Variants in ZMYND12 observed in about 807,000 individuals in gnomAD.
ZMYND12 encodes the protein zinc finger MYND-type containing 12, also known as zinc finger MYND domain-containing protein 12.
In ZMYND12, 32 loss-of-function variants were observed where a neutral mutation model predicts 41.7. The ratio of observed to expected loss-of-function variants is 0.77; its 90% CI spans 0.58 to 1.03. The LOEUF (loss-of-function observed/expected upper bound fraction) is 1.03. Ranked by LOEUF, ZMYND12 falls within the 50% of genes least tolerant of loss-of-function variation. The probability of loss-of-function intolerance (pLI) is 0.00; values close to 1 mark genes in which losing one functional copy is unlikely to be tolerated. For synonymous variants in ZMYND12, 148 were observed against 164.8 expected, an observed-to-expected ratio of 0.90 and a Z score of 0.78; for missense variants, 424 against 438.5, an observed-to-expected ratio of 0.97 and a Z score of 0.30.
In ZMYND12 at chr1:42,443,764, T is replaced by C. The variant is rs139394667; in HGVS notation, c.425-3739A>G. On this transcript the variant is annotated intron_variant, in intron 3 of 7. Coordinates refer to ENST00000372565, the MANE Select transcript of ZMYND12 (RefSeq NM_032257.5). ...TCATTCATTCATTCAACCAAACATA[T>C]ATTCACCTAATTGATTGAGTCTCTA... is the stretch of plus-strand genomic sequence containing the variant. Among the ~76,000 whole-genome samples, 341 of 152,256 alleles carry C rather than the reference T, an allele frequency of 2.2e-3. 2 individuals carry two copies. Among genetic ancestry groups the C allele is most frequent in the African/African-American group, 7.9e-3 (328 of 41,546 alleles).
Position 42,448,714 on chromosome 1 carries a change from T to C in ZMYND12, c.253-76A>G, listed in dbSNP as rs777588976. On this transcript the variant is annotated intron_variant, in intron 2 of 7. Coordinates refer to ENST00000372565, the MANE Select transcript of ZMYND12 (RefSeq NM_032257.5). Reference sequence around the variant, plus strand: ...AGGTGGATGTAGATGGCCCTGGGGATAAGGCCAACACCTAATGACCCAGTT... The same window carrying C: ...AGGTGGATGTAGATGGCCCTGGGGACAAGGCCAACACCTAATGACCCAGTT... The C allele has an allele frequency of 6.3e-6, 9 of 1,427,348 alleles. No homozygotes were observed. In the Admixed American group the frequency reaches 1.1e-4, roughly 17 times the overall value. The allele number at this position is 1,427,348 out of a possible 1,614,324, so 88.4% of individuals were successfully genotyped here. A position where few individuals can be genotyped will look rare whatever the true frequency, so the allele number is the denominator to read the frequency against.
At chr1:42,455,708 G>T (rs1643160022) in intron 1 of ZMYND12, among the ~76,000 whole-genome samples, 180 bp downstream of exon 1, 1 of 152,164 alleles carries the variant, frequency 6.6e-6, no homozygotes, top group African/African-American at 2.4e-5. Context: ...CATGAGTGAC[G>T]AATAAGTGGG....
intron 3 of ZMYND12, among the ~76,000 whole-genome samples, chr1:42,443,944 C>T (rs565639897): frequency 1.3e-5 from 2 of 152,252 alleles, no homozygotes; most frequent in South Asian, 4.1e-4. Flanking sequence ...CTCACTGCAG[C>T]CTCCACCTGC....
intron 1 of ZMYND12, among the ~76,000 whole-genome samples, chr1:42,455,303 ACT>A (rs1197386756): frequency 6.6e-6 from 1 of 151,736 alleles, no homozygotes; most frequent in Non-Finnish European, 1.5e-5. Context: ...CTATCGTCTC[ACT>A]CTCGTTGCCC....
At chr1:42,434,826 T>C (rs1642889200) in intron 6 of ZMYND12, among the ~76,000 whole-genome samples, 2 of 151,872 alleles carry the variant, frequency 1.3e-5, no homozygotes, top group African/African-American at 4.8e-5. Flanking sequence ...ATATTAATAA[T>C]AATAAAAACA....
chr1:42,455,829 C>A, intron 1 of ZMYND12, 59 bp downstream of exon 1: 2 of 1,366,236 alleles, frequency 1.5e-6, no homozygotes, highest in South Asian at 2.7e-5. Flanking sequence ...CAAGCCAGAC[C>A]CGGGAAAGGG....
intron 1 of ZMYND12, among the ~76,000 whole-genome samples, chr1:42,452,010 CAATT>C (rs1643088168): frequency 6.6e-6 from 1 of 152,076 alleles, no homozygotes; most frequent in African/African-American, 2.4e-5. Flanking sequence ...TCAGGGCTCA[CAATT>C]AAGTAGCTTG....
chr1:42,451,521 G>A (rs1015338360), intron 1 of ZMYND12, among the ~76,000 whole-genome samples: 2 of 152,178 alleles, frequency 1.3e-5, no homozygotes, highest in African/African-American at 4.8e-5. Context: ...TTTTAGGCTT[G>A]AGAGCTATAG....
intron 1 of ZMYND12, among the ~76,000 whole-genome samples, chr1:42,455,060 A>G (rs969108927): frequency 2.6e-5 from 4 of 152,172 alleles, no homozygotes; most frequent in Admixed American, 6.5e-5. Context: ...ATAAACTGCT[A>G]AAGGGCCCTG....
chr1:42,450,044 C>T lies in ZMYND12; in HGVS notation c.126G>A (p.Gln42=). The part of the protein sequence containing the change: ...TVTYYCGVVH[Q]KADWDSIHEK... The stretch of plus-strand genomic sequence containing the variant: ...CATGGATGCTGTCCCAGTCAGCCTT[C>T]TGATGTACCACCCCACTGACAACGG... The change falls in exon 2 of 8, where the codon CAG becomes CAA. Residue 42 remains glutamine, a synonymous_variant. Coordinates refer to ENST00000372565, the MANE Select transcript of ZMYND12 (RefSeq NM_032257.5). 1 of 1,613,830 alleles carries T rather than the reference C, an allele frequency of 6.2e-7. No individual in the cohort carries two copies.
chr1:42,430,676 G>C lies in ZMYND12; in HGVS notation c.*60C>G. On this transcript the variant is annotated 3_prime_UTR_variant, in exon 8 of 8. Transcript: ENST00000372565. ...TACCTCAAAGCAGTTGTGCAAGGCTGGAATATATTAGATCTTCAGTAGCCC... is the reference window on the plus strand; with the variant it reads ...TACCTCAAAGCAGTTGTGCAAGGCTCGAATATATTAGATCTTCAGTAGCCC... 6.3e-7 allele frequency: 1 copy of C among 1,594,774 alleles called. No individual in the cohort carries two copies. Among genetic ancestry groups the C allele is most frequent in the Non-Finnish European group, 8.6e-7 (1 of 1,164,712 alleles).
intron 2 of ZMYND12, among the ~76,000 whole-genome samples, chr1:42,449,328 T>C (rs533560862): frequency 6.6e-6 from 1 of 152,284 alleles, no homozygotes; most frequent in African/African-American, 2.4e-5. Flanking sequence ...TTGGCATCTG[T>C]GGATGTTATG....
intron 1 of ZMYND12, among the ~76,000 whole-genome samples, chr1:42,452,214 A>G (rs982226977): frequency 6.6e-6 from 1 of 152,184 alleles, no homozygotes; most frequent in Non-Finnish European, 1.5e-5. Flanking sequence ...TGTTTGACAT[A>G]TGAAGCGCAA....
At chr1:42,448,328 T>A (rs1643045358) in intron 3 of ZMYND12, 139 bp downstream of exon 3, 1 of 1,020,328 alleles carries the variant, frequency 9.8e-7, no homozygotes, top group Non-Finnish European at 1.3e-6. Flanking sequence ...CCCTACCTTG[T>A]GCTAAACTTT....
At chr1:42,447,438 A>T (rs1260454028) in intron 3 of ZMYND12, among the ~76,000 whole-genome samples, 1 of 152,238 alleles carries the variant, frequency 6.6e-6, no homozygotes, top group Non-Finnish European at 1.5e-5. Context: ...TGTTGCCAAC[A>T]CATGGCAACA....
intron 2 of ZMYND12, among the ~76,000 whole-genome samples, chr1:42,449,421 C>T (rs907303041): frequency 6.6e-5 from 10 of 152,110 alleles, no homozygotes; most frequent in African/African-American, 2.4e-4. Flanking sequence ...GGAGCTAGGG[C>T]CTGTAGAGTG....
chr1:42,448,718 G>T, intron 2 of ZMYND12, 80 bp from the exon 3 acceptor site: 1 of 1,393,258 alleles, frequency 7.2e-7, no homozygotes, highest in Non-Finnish European at 9.7e-7. Flanking sequence ...TGGGGATAAG[G>T]CCAACACCTA....
intron 3 of ZMYND12, among the ~76,000 whole-genome samples, chr1:42,446,651 CAAA>C (rs11368621): frequency 1.6e-5 from 2 of 126,048 alleles, no homozygotes; most frequent in Admixed American, 8.0e-5. Context: ...GACTCGGTCT[CAAA>C]AAAAAAAAAA....
At chr1:42,437,566 T>A (rs1296987281) in intron 4 of ZMYND12, among the ~76,000 whole-genome samples, 4 of 150,792 alleles carry the variant, frequency 2.7e-5, no homozygotes, top group South Asian at 2.1e-4. Context: ...CAGGCTGGAG[T>A]GCAGTGGTGC....
Sources: allele counts gnomAD v4.1 joint callset (sites outside exome capture counted in the v4.1 genomes callset), GRCh38; gene constraint gnomAD v4.1.1; transcripts MANE v1.5; gene names NCBI Gene and HGNC (gene_info 2026-07-23, HGNC 2026-07-21).